The following FAM210A variants were observed in gnomAD, a reference collection of about 807,000 sequenced individuals.
FAM210A encodes the protein family with sequence similarity 210 member A.
In FAM210A, 13 loss-of-function variants were observed where a neutral mutation model predicts 25.3. The ratio of observed to expected loss-of-function variants is 0.51; its 90% CI spans 0.33 to 0.82. The LOEUF (loss-of-function observed/expected upper bound fraction) is 0.82, where lower values mean the gene tolerates loss of function less well. FAM210A is among the 40% of genes least tolerant of loss of function. FAM210A has a pLI of 0.02. For missense variants in FAM210A, 319 were observed against 323.2 expected, an observed-to-expected ratio of 0.99 and a Z score of 0.10; for synonymous variants, 125 against 118.7, an observed-to-expected ratio of 1.05 and a Z score of -0.35.
At chr18:13,701,154 C>G (rs2149065154) in intron 1 of FAM210A, among the ~76,000 whole-genome samples, 1 of 152,292 alleles carries the variant, frequency 6.6e-6, no homozygotes, top group Admixed American at 6.5e-5. Context: ...TCCGAATGAA[C>G]AAGCAAGGTA....
intron 1 of FAM210A, among the ~76,000 whole-genome samples, chr18:13,686,274 G>A (rs1034450115): frequency 6.6e-5 from 10 of 151,992 alleles, no homozygotes; most frequent in Non-Finnish European, 8.8e-5. Flanking sequence ...CCGAAATCAC[G>A]CCCCACCTCC....
chr18:13,691,417 T>C (rs2043643596), intron 1 of FAM210A, among the ~76,000 whole-genome samples: 1 of 152,074 alleles, frequency 6.6e-6, no homozygotes, highest in East Asian at 1.9e-4. Flanking sequence ...GCCACAAAGA[T>C]ACTCCACAAG....
chr18:13,709,732 C>T (rs577574046), intron 1 of FAM210A, among the ~76,000 whole-genome samples: 1 of 152,266 alleles, frequency 6.6e-6, no homozygotes, highest in South Asian at 2.1e-4. Flanking sequence ...CTAAGGCTTG[C>T]TGGCACACAG....
intron 1 of FAM210A, chr18:13,715,150 G>C (rs569809734): frequency 6.6e-6 from 1 of 151,968 alleles, no homozygotes; most frequent in Non-Finnish European, 1.5e-5. Flanking sequence ...CTATTCACAC[G>C]TGTGATCCCA....
At position 13,681,793 on chromosome 18, in the gene FAM210A, A is replaced by C; in HGVS notation, c.285T>G (p.Val95=). The C allele has an allele frequency of 1.2e-6, 2 of 1,613,918 alleles. No homozygotes were observed. Among genetic ancestry groups the C allele is most frequent in the Non-Finnish European group, 1.7e-6 (2 of 1,179,996 alleles). The change falls in exon 2 of 4, where the codon GTT becomes GTG. Residue 95 remains valine, a synonymous_variant. Coordinates refer to ENST00000651643, the MANE Select transcript of FAM210A (RefSeq NM_152352.4). ...QGKQHVSFRR[V]FSSSATAQGT... is the part of the protein sequence containing the mutation. ...CCTGAGCTGTGGCACTGGATGAAAA[A>C]ACCCTCCTGAATGAAACATGTTGCT...
Position 13,682,230 on chromosome 18 carries a change from A to C in FAM210A, c.-28-125T>G, listed in dbSNP as rs572290616. On this transcript the variant is annotated intron_variant, in intron 1 of 3. Transcript: ENST00000651643. ...ACAGACACTGCTACATAATCCACAA[A>C]AACTGATGTTAGGGTATAGAGTTTA... The C allele has an allele frequency of 1.1e-4, 75 of 662,932 alleles. No homozygotes were observed. In the East Asian group the frequency reaches 1.4e-3, roughly 12 times the overall value. The allele number at this position is 662,932 out of a possible 1,614,324, so 41.1% of individuals were successfully genotyped here.
At chr18:13,699,527 C>A (rs1021585696) in intron 1 of FAM210A, among the ~76,000 whole-genome samples, 3 of 151,992 alleles carry the variant, frequency 2.0e-5, no homozygotes, top group South Asian at 4.1e-4. Context: ...CTCATTTATA[C>A]AAAATATTTA....
chr18:13,715,741 T>C (rs1304587093), intron 1 of FAM210A, among the ~76,000 whole-genome samples: 1 of 152,274 alleles, frequency 6.6e-6, no homozygotes, highest in African/African-American at 2.4e-5. Context: ...ACAGCTCTGA[T>C]ATTTTTAAGT....
chr18:13,690,424 G>A (rs2043633649), intron 1 of FAM210A, among the ~76,000 whole-genome samples: 1 of 152,236 alleles, frequency 6.6e-6, no homozygotes, highest in African/African-American at 2.4e-5. Flanking sequence ...CCAGCACGGA[G>A]TTTGAGATCT....
intron 1 of FAM210A, among the ~76,000 whole-genome samples, chr18:13,713,394 C>T (rs2043836282): frequency 6.6e-6 from 1 of 152,172 alleles, no homozygotes; most frequent in African/African-American, 2.4e-5. Flanking sequence ...TATTCTTAGT[C>T]CTCCTCTTCC....
At chr18:13,707,406 A>G (rs2043787144) in intron 1 of FAM210A, among the ~76,000 whole-genome samples, 1 of 152,234 alleles carries the variant, frequency 6.6e-6, no homozygotes, top group Non-Finnish European at 1.5e-5. Flanking sequence ...ACCAGAACAG[A>G]CCAGGTTTTG....
At chr18:13,686,560 A>G (rs899172022) in intron 1 of FAM210A, among the ~76,000 whole-genome samples, 3 of 152,118 alleles carry the variant, frequency 2.0e-5, no homozygotes, top group East Asian at 1.9e-4. Context: ...ACTTGACTCT[A>G]TGCTCCTGGG....
chr18:13,673,690 G>A (rs2043464341), intron 2 of FAM210A, among the ~76,000 whole-genome samples: 2 of 138,222 alleles, frequency 1.4e-5, no homozygotes, highest in South Asian at 2.3e-4. Context: ...CCTGAGCCGT[G>A]ACTTATTTCC....
In FAM210A at chr18:13,663,810, G is replaced by A. The variant is rs2043379081; in HGVS notation, c.*2670C>T. 1 of 151,476 alleles carries A rather than the reference G, an allele frequency of 6.6e-6. No individual in the cohort carries two copies. Among genetic ancestry groups the A allele is most frequent in the Non-Finnish European group, 1.5e-5 (1 of 68,040 alleles). 9.4% of individuals were successfully genotyped at this position (151,476 alleles called of 1,614,324 possible). On this transcript the variant is annotated 3_prime_UTR_variant, in exon 4 of 4. Transcript: ENST00000651643. ...AGCCTGGGTGACAGAGTGAGACTCTGTCTCAAAAAAATAAATATAAATATA... is the reference window on the plus strand; with the variant it reads ...AGCCTGGGTGACAGAGTGAGACTCTATCTCAAAAAAATAAATATAAATATA...
At chr18:13,681,424 A>C (rs1231509522) in intron 2 of FAM210A, among the ~76,000 whole-genome samples, 181 bp downstream of exon 2, 4 of 152,214 alleles carry the variant, frequency 2.6e-5, no homozygotes, top group African/African-American at 9.6e-5. Context: ...AAACTGCACC[A>C]GATGCTTGCT....
At position 13,674,677 on chromosome 18, in the gene FAM210A, CA is replaced by C. The variant is rs2043475501; in HGVS notation, c.474-2705del. 1.7e-3 allele frequency among the ~76,000 whole-genome samples: 24 copies of C among 14,082 alleles called. 6 individuals are homozygous for C. Among genetic ancestry groups the C allele is most frequent in the Non-Finnish European group, 2.7e-3 (18 of 6,618 alleles). The allele number at this position is 14,082 out of a possible 152,430, so 9.2% of individuals were successfully genotyped here. On this transcript the variant is annotated intron_variant, in intron 2 of 3. Transcript: ENST00000651643. ...TATTAACATTCCTGAGCCCCGACTT[CA>C]TTTCCAGTTTCCTGATTATTAACAT...
At chr18:13,716,490 C>G (rs932282890) in intron 1 of FAM210A, among the ~76,000 whole-genome samples, 1 of 152,138 alleles carries the variant, frequency 6.6e-6, no homozygotes, top group African/African-American at 2.4e-5. Context: ...ATTCTCTCTC[C>G]TAAACTGGGG....
chr18:13,724,269 T>C (rs28637935), intron 1 of FAM210A, among the ~76,000 whole-genome samples: 36,478 of 152,132 alleles, frequency 0.24, 5,246 homozygotes, highest in East Asian at 0.37. Context: ...CAGTTCTGAG[T>C]ATGATCTTCT....
chr18:13,701,276 T>C (rs374658306), intron 1 of FAM210A, among the ~76,000 whole-genome samples: 2 of 152,192 alleles, frequency 1.3e-5, no homozygotes, highest in East Asian at 1.9e-4. Context: ...TGAGTTTCTC[T>C]GAGCAAATTT....
Sources: gnomAD v4.1 joint callset for allele counts (sites outside exome capture counted in the v4.1 genomes callset) on GRCh38, gnomAD v4.1.1 for gene constraint, MANE v1.5 for transcripts, NCBI Gene and HGNC (gene_info 2026-07-23, HGNC 2026-07-21) for gene names.